The following CADM2 variants were observed in gnomAD, a reference collection of about 807,000 sequenced individuals.
CADM2 encodes immunoglobulin superfamily member 4D.
In CADM2, 12 loss-of-function variants were observed where a neutral mutation model predicts 49.8. That is an observed-to-expected ratio of 0.24 (90% CI 0.15 to 0.39). The LOEUF is 0.39. CADM2 is among the 10% of genes least tolerant of loss of function. The pLI is 1.00. For synonymous variants in CADM2, 214 were observed against 175.4 expected, an observed-to-expected ratio of 1.22 and a Z score of -1.74; for missense variants, 378 against 492.3, an observed-to-expected ratio of 0.77 and a Z score of 2.20.
intron 1 of CADM2, among the ~76,000 whole-genome samples, chr3:85,116,402 G>T (rs1164987728): frequency 1.3e-5 from 2 of 152,028 alleles, no homozygotes; most frequent in African/African-American, 2.4e-5. Flanking sequence ...ATTCCTTTTT[G>T]ATTTCTTTGT....
At chr3:86,036,720 T>C (rs1225275296) in intron 8 of CADM2, among the ~76,000 whole-genome samples, 5 of 152,150 alleles carry the variant, frequency 3.3e-5, no homozygotes, top group Non-Finnish European at 4.4e-5. Flanking sequence ...AACTGTAAAA[T>C]GGGAATTAAA....
chr3:85,653,288 T>A (rs1290745368), intron 1 of CADM2, among the ~76,000 whole-genome samples: 1 of 146,900 alleles, frequency 6.8e-6, no homozygotes, highest in Admixed American at 6.9e-5. Context: ...GAGAGTAGAG[T>A]TAGGAAGACC....
chr3:85,796,371 T>C (rs571343007), intron 2 of CADM2, among the ~76,000 whole-genome samples: 12 of 152,256 alleles, frequency 7.9e-5, no homozygotes, highest in African/African-American at 2.4e-4. Context: ...CTTCACAAGA[T>C]TGATAGTTCT....
chr3:85,810,134 A>G (rs1241511610), intron 3 of CADM2, among the ~76,000 whole-genome samples: 4 of 152,080 alleles, frequency 2.6e-5, no homozygotes, highest in South Asian at 2.1e-4. Flanking sequence ...AAAATTAACT[A>G]AAGTTACAGT....
intron 3 of CADM2, among the ~76,000 whole-genome samples, chr3:85,846,827 A>T (rs1302477956): frequency 1.3e-5 from 2 of 152,114 alleles, no homozygotes; most frequent in East Asian, 3.9e-4. Context: ...ATGCCACAGT[A>T]CTCCAGTCTG....
rs542356901 is a variant in CADM2 at position 85,030,300 on chromosome 3, G to A, written c.61+70632G>A. The stretch of plus-strand genomic sequence containing the variant: ...GATCAAACGGCAAGACAACTCCACC[G>A]TGCTCTGACCAGAAATTTTCATTTA... On this transcript the variant is annotated intron_variant, in intron 1 of 9. Coordinates refer to ENST00000383699, the MANE Select transcript of CADM2 (RefSeq NM_001167675.2). Among the ~76,000 whole-genome samples, 77 of 152,086 alleles carry A rather than the reference G, an allele frequency of 5.1e-4. 1 individual carries two copies. The highest frequency in any genetic ancestry group is 1.7e-3 in the African/African-American group (70 of 41,482).
At chr3:84,994,165 A>T (rs1349513973) in intron 1 of CADM2, among the ~76,000 whole-genome samples, 1 of 152,070 alleles carries the variant, frequency 6.6e-6, no homozygotes, top group Non-Finnish European at 1.5e-5. Context: ...AGTGTGTAAC[A>T]TTTTTGAAGG....
At chr3:85,520,322 A>G (rs965919094) in intron 1 of CADM2, among the ~76,000 whole-genome samples, 2 of 151,848 alleles carry the variant, frequency 1.3e-5, no homozygotes, top group Non-Finnish European at 2.9e-5. Flanking sequence ...TATTTTATTT[A>G]GTATATAAGA....
intron 6 of CADM2, among the ~76,000 whole-genome samples, chr3:85,928,157 A>T (rs969765783): frequency 1.1e-4 from 14 of 131,500 alleles, no homozygotes; most frequent in Admixed American, 2.7e-4. Context: ...ATAAAAGAAG[A>T]ATTTTTTTTT....
chr3:85,158,782 G>A (rs1004191691), intron 1 of CADM2, among the ~76,000 whole-genome samples: 5 of 151,822 alleles, frequency 3.3e-5, no homozygotes, highest in Non-Finnish European at 7.4e-5. Flanking sequence ...CATGGCAGAT[G>A]TATACATATG....
rs532545796 is a variant in CADM2 at position 85,239,214 on chromosome 3, A to G, written c.61+279546A>G. The stretch of plus-strand genomic sequence containing the variant: ...AATTCTTAGTTATTATAATTGTGCC[A>G]TTTAGAACTAGCACATAAGTAAATT... On this transcript the variant is annotated intron_variant, in intron 1 of 9. Transcript: ENST00000383699. 1.3e-4 allele frequency among the ~76,000 whole-genome samples: 19 copies of G among 151,984 alleles called. No homozygotes were observed. The East Asian group carries it at 3.7e-3, about 29-fold the overall frequency.
chr3:85,207,300 A>G (rs933034003), intron 1 of CADM2, among the ~76,000 whole-genome samples: 8 of 152,192 alleles, frequency 5.3e-5, no homozygotes, highest in African/African-American at 1.9e-4. Flanking sequence ...CGGATAAATG[A>G]AAGTTTCATC....
intron 1 of CADM2, among the ~76,000 whole-genome samples, chr3:85,155,371 A>T (rs1202518035): frequency 2.6e-5 from 4 of 151,920 alleles, no homozygotes; most frequent in Non-Finnish European, 4.4e-5. Flanking sequence ...AAAGGGATCA[A>T]TTCAACAAGA....
In CADM2 at chr3:86,069,885, A is replaced by C; in HGVS notation, c.*3102A>C. On this transcript the variant is annotated 3_prime_UTR_variant, in exon 10 of 10. Coordinates refer to ENST00000383699, the MANE Select transcript of CADM2 (RefSeq NM_001167675.2). ...TGTTCTAGATAGGATTATTATCAAA[A>C]GTAGGAGGAAAAAGAAATGTTTGTG... 2 of 152,092 alleles carry C rather than the reference A, an allele frequency of 1.3e-5. No individual in the cohort carries two copies. The highest frequency in any genetic ancestry group is 2.1e-4 in the South Asian group (1 of 4,824). The allele number at this position is 152,092 out of a possible 1,614,324, so 9.4% of individuals were successfully genotyped here. A position where few individuals can be genotyped will look rare whatever the true frequency, so the allele number is the denominator to read the frequency against.
intron 1 of CADM2, among the ~76,000 whole-genome samples, chr3:85,439,896 G>A (rs879643139): frequency 7.2e-5 from 11 of 152,138 alleles, no homozygotes; most frequent in Admixed American, 2.0e-4. Context: ...CCTGTATAAT[G>A]TAAAAGCCAG....
At chr3:85,779,388 A>G (rs537003421) in intron 2 of CADM2, among the ~76,000 whole-genome samples, 1 of 152,318 alleles carries the variant, frequency 6.6e-6, no homozygotes, top group Admixed American at 6.5e-5. Context: ...CTGCTAATAA[A>G]CACATGCATG....
chr3:85,961,557 T>C lies in CADM2; in HGVS notation c.880T>C (p.Phe294Leu), dbSNP rs1287362797. 6.2e-7 allele frequency: 1 copy of C among 1,610,934 alleles called. No individual in the cohort carries two copies. Among genetic ancestry groups the C allele is most frequent in the Admixed American group, 1.7e-5 (1 of 59,882 alleles). ...VVSGRELNIL[F>L]LNKTDNGTYR... ...GAGTGGTAGGGAGCTAAACATTCTT[T>C]TCCTGAACAAAACGGATAATGGTAC... Residue 294 changes from phenylalanine (F) to leucine (L), a missense_variant, in exon 8 of 10, where the codon TTC becomes CTC. Transcript: ENST00000383699.
chr3:85,656,666 G>GA (rs1340815838), intron 1 of CADM2, among the ~76,000 whole-genome samples: 19 of 152,012 alleles, frequency 1.2e-4, no homozygotes, highest in Non-Finnish European at 2.4e-4. Flanking sequence ...ATAAATTTAA[G>GA]AAAAAATTTC....
chr3:85,701,908 G>GATAT (rs1293231915), intron 1 of CADM2, among the ~76,000 whole-genome samples: 1 of 129,454 alleles, frequency 7.7e-6, no homozygotes, highest in Non-Finnish European at 1.7e-5. Flanking sequence ...TAGATAGATA[G>GATAT]ATATAAAGAA....
Sources: allele counts gnomAD v4.1 joint callset (sites outside exome capture counted in the v4.1 genomes callset), GRCh38; gene constraint gnomAD v4.1.1; transcripts MANE v1.5; gene names NCBI Gene and HGNC (gene_info 2026-07-23, HGNC 2026-07-21).